MPIG6B: variants seen among roughly 807,000 people sequenced by gnomAD.
MPIG6B encodes the protein immunoglobulin receptor.
In MPIG6B, 22 loss-of-function variants were observed where a neutral mutation model predicts 24.2. That is an observed-to-expected ratio of 0.91 (90% CI 0.65 to 1.30). The LOEUF is 1.30. MPIG6B is among the 50% of genes most tolerant of loss of function. MPIG6B has a pLI of 0.00. For synonymous variants in MPIG6B, 136 were observed against 142.0 expected, an observed-to-expected ratio of 0.96 and a Z score of 0.30; for missense variants, 301 against 318.5, an observed-to-expected ratio of 0.94 and a Z score of 0.42.
At chr6:31,723,343 C>CCGCTGATT (rs1806958321), upstream of MPIG6B, 1 of 1,591,084 alleles carries the variant, frequency 6.3e-7, no homozygotes, top group Non-Finnish European at 8.6e-7. This position sits in a 1 kb window ranked among gnomAD's most constrained non-coding sequence, Gnocchi z 4.3. Context: ...CGGCCCCACG[C>CCGCTGATT]CGCTGATTCG....
At chr6:31,723,222 G>A (rs766465561), upstream of MPIG6B, 2 of 669,732 alleles carry the variant, frequency 3.0e-6, no homozygotes, top group South Asian at 1.6e-5. The surrounding 1 kb of genome is among the most constrained non-coding windows in gnomAD (Gnocchi z 4.3). Flanking sequence ...GTTTGCCTGC[G>A]AGGATTCCCA....
chr6:31,724,812 C>T lies in MPIG6B; in HGVS notation c.589C>T (p.Pro197Ser), dbSNP rs1807194537. 1.2e-6 allele frequency: 2 copies of T among 1,613,970 alleles called. No individual in the cohort carries two copies. The highest frequency in any genetic ancestry group is 2.2e-5 in the East Asian group (1 of 44,874). Residue 197 changes from proline (P) to serine (S), a missense_variant, in exon 5 of 6, where the codon CCC (proline) becomes TCC (serine). Pro to Ser is a moderately conservative substitution (Grantham distance 74). Coordinates refer to ENST00000649779, the MANE Select transcript of MPIG6B (RefSeq NM_138272.3). ...CCAGAGGCCAGTAAAGGAGGAAGAG[C>T]CCAAGATTCCAGGGGACCTGGACCA... ...EPQRPVKEEE[P>S]KIPGDLDQEP...
upstream of MPIG6B, chr6:31,721,720 A>G (rs367797282): frequency 2.5e-6 from 4 of 1,608,224 alleles, no homozygotes; most frequent in African/African-American, 5.4e-5. Flanking sequence ...AGCAGCTGAT[A>G]GAGTAGATTT....
At chr6:31,722,934 G>A (rs1806911903), upstream of MPIG6B, 1 of 229,292 alleles carries the variant, frequency 4.4e-6, no homozygotes, top group Non-Finnish European at 8.8e-6. Flanking sequence ...CAGTTTACAT[G>A]TATTACTTTA....
At chr6:31,723,329 C>A (rs867360223), upstream of MPIG6B, 18 of 1,522,128 alleles carry the variant, frequency 1.2e-5, no homozygotes, top group Admixed American at 1.8e-5. This position sits in a 1 kb window ranked among gnomAD's most constrained non-coding sequence, Gnocchi z 4.3. Flanking sequence ...GGTCCCCCCC[C>A]AACCGGCCCC....
Position 31,723,698 on chromosome 6 carries a change from C to G in MPIG6B, c.121C>G (p.Pro41Ala). The G allele has an allele frequency of 1.9e-6, 3 of 1,609,396 alleles. No homozygotes were observed. The highest frequency in any genetic ancestry group is 2.5e-6 in the Non-Finnish European group (3 of 1,178,416). Residue 41 changes from proline (P) to alanine (A), a missense_variant, in exon 2 of 6, where the codon CCC becomes GCC. Transcript: ENST00000649779. This position sits in a 1 kb window ranked among gnomAD's most constrained non-coding sequence, Gnocchi z 4.3. ...TCTCTCCTGCGGAGGAGTCTCTCAT[C>G]CCATCCGCTGGGTCTGGGCACCCAG... Reference protein sequence around the residue: ...VNLSCGGVSHPIRWVWAPSFP... With the variant: ...VNLSCGGVSHAIRWVWAPSFP...
Position 31,723,889 on chromosome 6 carries a change from C to A in MPIG6B, c.312C>A (p.Gly104=), listed in dbSNP as rs4947252. The A allele has an allele frequency of 6.6e-3, 10,673 of 1,608,086 alleles. 325 individuals are homozygous for A. In the African/African-American group the frequency reaches 0.086, roughly 13 times the overall value. Reference sequence around the variant, plus strand: ...TCCTCTTGAGCGCGGGGGACTCGGGCACTTTTTTCTGCAAGGGCCGCCACG... The same window carrying A: ...TCCTCTTGAGCGCGGGGGACTCGGGAACTTTTTTCTGCAAGGGCCGCCACG... ...LELLLSAGDS[G]TFFCKGRHED... The change falls in exon 2 of 6, where the codon GGC becomes GGA. Residue 104 remains glycine (G), a synonymous_variant. Coordinates refer to ENST00000649779, the MANE Select transcript of MPIG6B (RefSeq NM_138272.3). The surrounding 1 kb of genome is among the most constrained non-coding windows in gnomAD (Gnocchi z 4.3).
At chr6:31,724,902 A>G in intron 5 of MPIG6B, 58 bp downstream of exon 5, 1 of 1,602,008 alleles carries the variant, frequency 6.2e-7, no homozygotes, top group Non-Finnish European at 8.5e-7. Context: ...ATGGACCAAA[A>G]AAAAAAAGGC....
Position 31,723,927 on chromosome 6 carries a change from G to A in MPIG6B, c.350G>A (p.Arg117His), listed in dbSNP as rs756870049. The change falls in exon 2 of 6, where the codon CGT becomes CAT. Residue 117 changes from arginine (R) to histidine (H), a missense_variant. Transcript: ENST00000649779. The surrounding 1 kb of genome is among the most constrained non-coding windows in gnomAD (Gnocchi z 4.3). ...AAGGGCCGCCACGAGGACGAGAGCC[G>A]TACAGTGCTTCACGTGCTGGGGGAC... ...FCKGRHEDES[R>H]TVLHVLGDRT... The A allele has an allele frequency of 1.3e-6, 2 of 1,583,574 alleles. No individual in the cohort carries two copies. The highest frequency in any genetic ancestry group is 2.3e-5 in the South Asian group (2 of 85,866).
rs1807286903 is a variant in MPIG6B at position 31,725,456 on chromosome 6, T to G, written c.*382T>G. ...CATTCTCCTGCCTCAGGCTCCTGAG[T>G]AGCTGGGACTACAGGCGCCCGCCAC... On this transcript the variant is annotated 3_prime_UTR_variant, in exon 6 of 6. Coordinates refer to ENST00000649779, the MANE Select transcript of MPIG6B (RefSeq NM_138272.3). The surrounding 1 kb of genome is among the most constrained non-coding windows in gnomAD (Gnocchi z 5.2). 1 of 183,454 alleles carries G rather than the reference T, an allele frequency of 5.5e-6. No individual in the cohort carries two copies. Among genetic ancestry groups the G allele is most frequent in the Non-Finnish European group, 1.1e-5 (1 of 88,744 alleles). The allele number at this position is 183,454 out of a possible 1,614,324, so 11.4% of individuals were successfully genotyped here.
Position 31,726,136 on chromosome 6 carries a change from T to C in MPIG6B, c.*1062T>C, listed in dbSNP as rs932221429. 4.6e-5 allele frequency: 7 copies of C among 152,600 alleles called. No individual in the cohort carries two copies. Among genetic ancestry groups the C allele is most frequent in the African/African-American group, 1.7e-4 (7 of 41,462 alleles). The allele number at this position is 152,600 out of a possible 1,614,324, so 9.5% of individuals were successfully genotyped here. A position where few individuals can be genotyped will look rare whatever the true frequency, so the allele number is the denominator to read the frequency against. On this transcript the variant is annotated 3_prime_UTR_variant, in exon 6 of 6. Coordinates refer to ENST00000649779, the MANE Select transcript of MPIG6B (RefSeq NM_138272.3). The surrounding 1 kb of genome is among the most constrained non-coding windows in gnomAD (Gnocchi z 5.1). ...GCTCACTTCCTTCCTGGATTACCCA[T>C]AGCCCCACCTCATCCTCCTACCCTT...
chr6:31,724,371 G>T, intron 3 of MPIG6B, 139 bp downstream of exon 3: 1 of 817,294 alleles, frequency 1.2e-6, no homozygotes, highest in Non-Finnish European at 2.0e-6. Context: ...GTCAAAGGTG[G>T]GAGCGAGGCC....
At chr6:31,724,304 G>A in intron 3 of MPIG6B, 72 bp downstream of exon 3, 10 of 1,250,104 alleles carry the variant, frequency 8.0e-6, no homozygotes, top group Non-Finnish European at 1.0e-5. Context: ...CAGAACCTTC[G>A]CAAAAGAAAG....
intron 3 of MPIG6B, 85 bp from the exon 4 acceptor site, chr6:31,724,502 G>A: frequency 8.5e-7 from 1 of 1,173,128 alleles, no homozygotes; most frequent in Non-Finnish European, 1.3e-6. Context: ...CCTTCAAGTT[G>A]CTGGGCTGTC....
At chr6:31,722,991 G>C (rs934227719), upstream of MPIG6B, 1 of 305,262 alleles carries the variant, frequency 3.3e-6, no homozygotes. Flanking sequence ...TTTTGTTGTT[G>C]TTTTTGAGAC....
At position 31,723,973 on chromosome 6, in the gene MPIG6B, C is replaced by G. The variant is rs369007488; in HGVS notation, c.396C>G (p.Pro132=). 2 of 1,551,648 alleles carry G rather than the reference C, an allele frequency of 1.3e-6. No homozygotes were observed. Among genetic ancestry groups the G allele is most frequent in the South Asian group, 1.2e-5 (1 of 81,048 alleles). ...GGGACAGGACCTATTGCAAGGCCCC[C>G]GGGCCTACCCATGGTAGGTGCAGGC... is the stretch of plus-strand genomic sequence containing the variant. ...VLGDRTYCKA[P]GPTHGSVYPQ... is the part of the protein sequence containing the mutation. Residue 132 remains proline, a synonymous_variant, in exon 2 of 6, where the codon CCC becomes CCG. Coordinates refer to ENST00000649779, the MANE Select transcript of MPIG6B (RefSeq NM_138272.3). The surrounding 1 kb of genome is among the most constrained non-coding windows in gnomAD (Gnocchi z 4.3).
Position 31,723,526 on chromosome 6 carries a change from T to G in MPIG6B, c.61+82T>G, listed in dbSNP as rs1176588201. The G allele has an allele frequency of 1.1e-5, 16 of 1,463,998 alleles. No homozygotes were observed. The highest frequency in any genetic ancestry group is 1.5e-5 in the Non-Finnish European group (16 of 1,054,620). 90.7% of individuals were successfully genotyped at this position (1,463,998 alleles called of 1,614,324 possible). A position where few individuals can be genotyped will look rare whatever the true frequency, so the allele number is the denominator to read the frequency against. On this transcript the variant is annotated intron_variant, in intron 1 of 5. Transcript: ENST00000649779. The surrounding 1 kb of genome is among the most constrained non-coding windows in gnomAD (Gnocchi z 4.3). ...GCCGCCTAGTAGGGTGGGTTGTGTG[T>G]GGGAAGATCCAGGATGGCTGGAGTG...
rs1807284209 is a variant in MPIG6B, at chr6:31,725,430, C to T, written c.*356C>T. 4.7e-6 allele frequency: 1 copy of T among 212,954 alleles called. No homozygotes were observed. The highest frequency in any genetic ancestry group is 2.3e-5 in the African/African-American group (1 of 43,142). 13.2% of individuals were successfully genotyped at this position (212,954 alleles called of 1,614,324 possible). On this transcript the variant is annotated 3_prime_UTR_variant, in exon 6 of 6. Transcript: ENST00000649779. The surrounding 1 kb of genome is among the most constrained non-coding windows in gnomAD (Gnocchi z 5.2). ...GCAAGCTCCGCCTGCCGGGTTCACA[C>T]CATTCTCCTGCCTCAGGCTCCTGAG... is the stretch of plus-strand genomic sequence containing the variant.
rs373460308 is a variant in MPIG6B, at chr6:31,723,976, G to A, written c.399G>A (p.Gly133=). Residue 133 remains glycine (G), a synonymous_variant, in exon 2 of 6, where the codon GGG becomes GGA. Transcript: ENST00000649779. This position sits in a 1 kb window ranked among gnomAD's most constrained non-coding sequence, Gnocchi z 4.3. ...ACAGGACCTATTGCAAGGCCCCCGG[G>A]CCTACCCATGGTAGGTGCAGGCCTG... is the stretch of plus-strand genomic sequence containing the variant. ...LGDRTYCKAP[G]PTHGSVYPQL... 1 of 1,552,296 alleles carries A rather than the reference G, an allele frequency of 6.4e-7. No homozygotes were observed. Among genetic ancestry groups the A allele is most frequent in the Non-Finnish European group, 8.7e-7 (1 of 1,146,706 alleles).
Sources: gnomAD v4.1 joint callset for allele counts on GRCh38, gnomAD v4.1.1 for gene constraint, Gnocchi (gnomAD v3.1) non-coding constraint, MANE v1.5 for transcripts, NCBI Gene and HGNC (gene_info 2026-07-23, HGNC 2026-07-21) for gene names.